SMCHD1: variants seen among roughly 807,000 people sequenced by gnomAD.
SMCHD1 encodes structural maintenance of chromosomes flexible hinge domain-containing protein 1.
Under a neutral mutation model 254.7 loss-of-function variants are expected in SMCHD1, and 78 were observed. That is an observed-to-expected ratio of 0.31 (90% CI 0.26 to 0.37). SMCHD1 has a LOEUF of 0.37. Among genes scored for constraint, SMCHD1 ranks in the 10% least tolerant of loss-of-function variants. The probability of loss-of-function intolerance (pLI) is 1.00; values close to 1 mark genes in which losing one functional copy is unlikely to be tolerated. For missense variants in SMCHD1, 1,840 were observed against 2,408.1 expected, an observed-to-expected ratio of 0.76 and a Z score of 4.94; for synonymous variants, 766 against 794.9, an observed-to-expected ratio of 0.96 and a Z score of 0.61.
chr18:2,699,485 G>T (rs182560074), intron 10 of SMCHD1, among the ~76,000 whole-genome samples: 380 of 152,208 alleles, frequency 2.5e-3, no homozygotes, highest in Non-Finnish European at 4.2e-3. Flanking sequence ...GACTACAGGT[G>T]CCCACCACCA....
Position 2,770,029 on chromosome 18 carries a change from A to C in SMCHD1, c.4887A>C (p.Glu1629Asp). The C allele has an allele frequency of 6.2e-7, 1 of 1,601,370 alleles. No individual in the cohort carries two copies. Among genetic ancestry groups the C allele is most frequent in the Non-Finnish European group, 8.5e-7 (1 of 1,176,682 alleles). The change falls in exon 39 of 48, where the codon GAA becomes GAC. Residue 1629 changes from glutamate to aspartate, a missense_variant. By Grantham distance (45) the Glu-to-Asp change is conservative. Coordinates refer to ENST00000320876, the MANE Select transcript of SMCHD1 (RefSeq NM_015295.3). ...AACAAATGGCAGCACTTACAAAAGA[A>C]AAGGACCAATTATCTCAGTCTATTG... is the stretch of plus-strand genomic sequence containing the variant. ...KQQQMAALTK[E>D]KDQLSQSIVM... is the part of the protein sequence containing the mutation.
At position 2,680,487 on chromosome 18, in the gene SMCHD1, T is replaced by C. The variant is rs559845131; in HGVS notation, c.638+6342T>C. ...AACCACTAAGTCTCCCAGCTTTTGC[T>C]GAGGGGCTCTGTGTGCATAGTGGGG... On this transcript the variant is annotated intron_variant, in intron 5 of 47. Transcript: ENST00000320876. 2.6e-5 allele frequency among the ~76,000 whole-genome samples: 4 copies of C among 152,342 alleles called. No individual in the cohort carries two copies. In the South Asian group the frequency reaches 8.3e-4, roughly 32 times the overall value.
chr18:2,677,118 G>T (rs984584091), intron 5 of SMCHD1, among the ~76,000 whole-genome samples: 2 of 139,866 alleles, frequency 1.4e-5, no homozygotes, highest in African/African-American at 2.5e-5. Context: ...CCTCAGCATT[G>T]TTTTTTTTCC....
intron 34 of SMCHD1, among the ~76,000 whole-genome samples, chr18:2,755,569 T>TC (rs1555648517): frequency 7.8e-4 from 100 of 128,274 alleles, no homozygotes; most frequent in African/African-American, 2.8e-3. Context: ...TTCTTTCTTT[T>TC]TTTTTTTTTT....
intron 39 of SMCHD1, 28 bp downstream of exon 39, chr18:2,770,136 A>G: frequency 6.3e-7 from 1 of 1,590,646 alleles, no homozygotes; most frequent in Non-Finnish European, 8.5e-7. Context: ...CAAGACAAAA[A>G]TTATGCTTTG....
intron 17 of SMCHD1, among the ~76,000 whole-genome samples, chr18:2,716,157 G>A (rs2074794646): frequency 6.6e-6 from 1 of 152,134 alleles, no homozygotes; most frequent in African/African-American, 2.4e-5. Context: ...GATTATCTAT[G>A]ATTTCCTTGT....
intron 45 of SMCHD1, among the ~76,000 whole-genome samples, chr18:2,788,779 G>A (rs1201568296): frequency 1.3e-5 from 2 of 151,824 alleles, no homozygotes; most frequent in Non-Finnish European, 2.9e-5. Context: ...TTATATTTTT[G>A]TAGAGATGGG....
Position 2,696,738 on chromosome 18 carries a change from A to G in SMCHD1, c.1041-294A>G, listed in dbSNP as rs1368115763. 2.0e-5 allele frequency among the ~76,000 whole-genome samples: 3 copies of G among 152,148 alleles called. No individual in the cohort carries two copies. The South Asian group carries it at 6.2e-4, about 32-fold the overall frequency. ...GAATTATTCCTCTTGGAAGTGGTGT[A>G]TGTGGTCTTTGAAGTTGGAAAGGTC... On this transcript the variant is annotated intron_variant, in intron 8 of 47. Coordinates refer to ENST00000320876, the MANE Select transcript of SMCHD1 (RefSeq NM_015295.3).
At chr18:2,782,744 C>CAAAAAAAAAAAAAAAAAAAAA (rs779083565) in intron 44 of SMCHD1, among the ~76,000 whole-genome samples, 1 of 44,952 alleles carries the variant, frequency 2.2e-5, no homozygotes, top group Admixed American at 3.8e-4. Flanking sequence ...GACCACAACT[C>CAAAAAAAAAAAAAAAAAAAAA]AAAAAAAAAA....
At position 2,692,659 on chromosome 18, in the gene SMCHD1, T is replaced by TATGCTCTTGAATTC. The variant is rs1325731121; in HGVS notation, c.874-1864_874-1851dup. 5.3e-5 allele frequency among the ~76,000 whole-genome samples: 8 copies of TATGCTCTTGAATTC among 152,368 alleles called. No homozygotes were observed. The East Asian group carries it at 1.5e-3, about 29-fold the overall frequency. On this transcript the variant is annotated intron_variant, in intron 7 of 47. Transcript: ENST00000320876. The stretch of plus-strand genomic sequence containing the variant: ...TGTCCTAAAACTACCTTGTTTCCTT[T>TATGCTCTTGAATTC]ATGCTCTTGAATTCATGTTCTCATT...
At chr18:2,784,668 TCTTATTTTTCTAAGAG>T in intron 45 of SMCHD1, 47 bp downstream of exon 45, 1 of 1,471,172 alleles carries the variant, frequency 6.8e-7, no homozygotes. Context: ...TTAATTTTAC[TCTTATTTTTCTAAGAG>T]CTTATGTTTT....
chr18:2,736,292 A>G (rs1327397549), intron 25 of SMCHD1, among the ~76,000 whole-genome samples: 1 of 152,218 alleles, frequency 6.6e-6, no homozygotes, highest in African/African-American at 2.4e-5. Context: ...TAAAACTTCA[A>G]ACCATAAAAA....
intron 14 of SMCHD1, 65 bp downstream of exon 14, chr18:2,705,872 A>C (rs1020899037): frequency 1.2e-5 from 12 of 983,142 alleles, no homozygotes; most frequent in Non-Finnish European, 1.9e-5. Flanking sequence ...AATTGTTAAG[A>C]TACAGTATAT....
At chr18:2,740,869 ATGTG>A in intron 28 of SMCHD1, 48 bp downstream of exon 28, 2 of 1,053,088 alleles carry the variant, frequency 1.9e-6, no homozygotes, top group Non-Finnish European at 2.7e-6. Flanking sequence ...TCATTGTTAT[ATGTG>A]TAACAAAAAG....
At chr18:2,684,977 A>G (rs903209127) in intron 5 of SMCHD1, among the ~76,000 whole-genome samples, 8 of 151,944 alleles carry the variant, frequency 5.3e-5, no homozygotes, top group African/African-American at 1.7e-4. Flanking sequence ...AGCTTTAAAT[A>G]TTCATTTGCC....
rs183600195 is a variant in SMCHD1, at chr18:2,768,816, A to T, written c.4720-878A>T. On this transcript the variant is annotated intron_variant, in intron 37 of 47. Transcript: ENST00000320876. ...TATGTTACTTATTTTTAAAATGCAA[A>T]TAGTATTTTTTAAATACATGTTTGC... is the stretch of plus-strand genomic sequence containing the variant. Among the ~76,000 whole-genome samples, 10 of 152,152 alleles carry T rather than the reference A, an allele frequency of 6.6e-5. No homozygotes were observed. In the East Asian group the frequency reaches 1.9e-3, roughly 29 times the overall value.
intron 29 of SMCHD1, among the ~76,000 whole-genome samples, chr18:2,744,968 C>T (rs1023790501): frequency 9.9e-5 from 15 of 152,162 alleles, no homozygotes; most frequent in Admixed American, 5.2e-4. Flanking sequence ...CTCAGCCTCC[C>T]AAGTAGCTGG....
At position 2,694,434 on chromosome 18, in the gene SMCHD1, C is replaced by T. The variant is rs566515733; in HGVS notation, c.874-93C>T. Reference sequence around the variant, plus strand: ...TTTTCTGAAACCTATTTGTGAAACTCCAAGTAAATCACATTAAAATTTGAT... The same window carrying T: ...TTTTCTGAAACCTATTTGTGAAACTTCAAGTAAATCACATTAAAATTTGAT... On this transcript the variant is annotated intron_variant, in intron 7 of 47. Transcript: ENST00000320876. 3 of 1,110,226 alleles carry T rather than the reference C, an allele frequency of 2.7e-6. No individual in the cohort carries two copies. In the African/African-American group the frequency reaches 4.8e-5, roughly 18 times the overall value. The allele number at this position is 1,110,226 out of a possible 1,614,324, so 68.8% of individuals were successfully genotyped here. A position where few individuals can be genotyped will look rare whatever the true frequency, so the allele number is the denominator to read the frequency against.
chr18:2,668,459 T>TC (rs2073498311), intron 3 of SMCHD1, among the ~76,000 whole-genome samples: 1 of 152,214 alleles, frequency 6.6e-6, no homozygotes, highest in Middle Eastern at 3.2e-3. Flanking sequence ...TTAGGTGACT[T>TC]GCTACACTAC....
Sources: gnomAD v4.1 joint callset for allele counts (sites outside exome capture counted in the v4.1 genomes callset) on GRCh38, gnomAD v4.1.1 for gene constraint, MANE v1.5 for transcripts, NCBI Gene and HGNC (gene_info 2026-07-23, HGNC 2026-07-21) for gene names.